The following ZNF423 variants were observed in gnomAD, a reference collection of about 807,000 sequenced individuals.
ZNF423 encodes Ebf-associated zinc finger protein.
ZNF423 carries 12 observed loss-of-function variants against 95.8 expected under a neutral mutation model. The ratio of observed to expected loss-of-function variants is 0.13; its 90% CI spans 0.08 to 0.20. ZNF423 has a LOEUF of 0.20. Ranked by LOEUF, ZNF423 falls within the 10% of genes least tolerant of loss-of-function variation. The pLI, the probability that ZNF423 is intolerant of heterozygous loss-of-function variation, is 1.00. For synonymous variants in ZNF423, 749 were observed against 711.9 expected (o/e 1.05, Z -0.83); for missense variants, 1,316 against 1,737.1 (o/e 0.76, Z 4.31).
intron 5 of ZNF423, among the ~76,000 whole-genome samples, chr16:49,539,395 G>A (rs930783204): frequency 2.0e-5 from 3 of 152,074 alleles, no homozygotes; most frequent in African/African-American, 7.2e-5. Flanking sequence ...TTTGCTCATC[G>A]GCTGCATTCA....
chr16:49,675,214 C>A (rs1445717063), intron 3 of ZNF423, among the ~76,000 whole-genome samples: 1 of 152,188 alleles, frequency 6.6e-6, no homozygotes, highest in Non-Finnish European at 1.5e-5. Flanking sequence ...GCTGTTGACT[C>A]ACTCATGTAC....
chr16:49,815,904 ATATATATATATTTTTT>A (rs2034842506), intron 1 of ZNF423, among the ~76,000 whole-genome samples: 1 of 46,614 alleles, frequency 2.1e-5, no homozygotes, highest in African/African-American at 8.9e-5. Flanking sequence ...ATATATATAT[ATATATATATATTTTTT>A]TTTTTTTTTT....
intron 2 of ZNF423, among the ~76,000 whole-genome samples, chr16:49,732,886 T>G (rs970941005): frequency 6.6e-6 from 1 of 152,224 alleles, no homozygotes; most frequent in Admixed American, 6.5e-5. Flanking sequence ...ACACGCCGCC[T>G]GGAACTGCGC....
At chr16:49,494,990 G>A (rs375745867) in intron 7 of ZNF423, among the ~76,000 whole-genome samples, 3 of 152,246 alleles carry the variant, frequency 2.0e-5, no homozygotes, top group East Asian at 1.9e-4. Context: ...GAAGAAAATC[G>A]TTTTTTAAAG....
chr16:49,766,321 G>A (rs1377868970), intron 2 of ZNF423, among the ~76,000 whole-genome samples: 2 of 152,204 alleles, frequency 1.3e-5, no homozygotes, highest in Non-Finnish European at 2.9e-5. Flanking sequence ...CACAGCGGAT[G>A]AGGAAATCTC....
chr16:49,502,183 C>G (rs1967432633), intron 7 of ZNF423, among the ~76,000 whole-genome samples: 1 of 152,180 alleles, frequency 6.6e-6, no homozygotes, highest in South Asian at 2.1e-4. Context: ...CCTCGAGAAG[C>G]CCCAGACACC....
chr16:49,557,099 T>C (rs1203437061), intron 5 of ZNF423, among the ~76,000 whole-genome samples: 1 of 152,142 alleles, frequency 6.6e-6, no homozygotes, highest in Non-Finnish European at 1.5e-5. Flanking sequence ...GGCTGGATGA[T>C]CAAAAAGGTT....
At chr16:49,757,891 T>C (rs563613394) in intron 2 of ZNF423, among the ~76,000 whole-genome samples, 12 of 152,240 alleles carry the variant, frequency 7.9e-5, no homozygotes, top group Admixed American at 1.3e-4. Context: ...AATCCTCCCC[T>C]GACCCGCCCT....
At chr16:49,688,593 C>G (rs11649400) in intron 3 of ZNF423, among the ~76,000 whole-genome samples, 93,198 of 152,122 alleles carry the variant, frequency 0.61, 30,118 homozygotes, top group Non-Finnish European at 0.71. Context: ...GGAAGAAATG[C>G]CAGGCCAAGG....
chr16:49,701,667 C>T (rs1319439646), intron 3 of ZNF423, among the ~76,000 whole-genome samples: 1 of 152,188 alleles, frequency 6.6e-6, no homozygotes, highest in African/African-American at 2.4e-5. Context: ...ACCTCTTCGA[C>T]ACTGGGTGTT....
At chr16:49,592,174 T>G (rs1971029777) in intron 5 of ZNF423, among the ~76,000 whole-genome samples, 1 of 152,270 alleles carries the variant, frequency 6.6e-6, no homozygotes, top group Admixed American at 6.5e-5. Context: ...TTTTTAAAAC[T>G]GTATCTATGC....
chr16:49,709,297 G>A (rs2032468738), intron 3 of ZNF423, among the ~76,000 whole-genome samples: 1 of 151,828 alleles, frequency 6.6e-6, no homozygotes, highest in Non-Finnish European at 1.5e-5. Flanking sequence ...TCAGGACGCT[G>A]CTGTTCTCAG....
chr16:49,605,357 C>T (rs951010971), intron 5 of ZNF423, among the ~76,000 whole-genome samples: 1 of 152,218 alleles, frequency 6.6e-6, no homozygotes, highest in East Asian at 1.9e-4. Context: ...CAGCCTCTGG[C>T]CAGCTGTGCA....
intron 5 of ZNF423, among the ~76,000 whole-genome samples, chr16:49,589,616 G>A (rs1342202083): frequency 6.6e-6 from 1 of 152,046 alleles, no homozygotes; most frequent in Non-Finnish European, 1.5e-5. Context: ...GAAGGGGAGG[G>A]GAATTCACAG....
At chr16:49,779,896 G>C (rs2034181863) in intron 2 of ZNF423, among the ~76,000 whole-genome samples, 1 of 152,202 alleles carries the variant, frequency 6.6e-6, no homozygotes, top group Non-Finnish European at 1.5e-5. Context: ...ACCAGGAGAG[G>C]AGGGGCAGGG....
At chr16:49,624,324 G>A (rs1456373005) in intron 5 of ZNF423, among the ~76,000 whole-genome samples, 2 of 152,154 alleles carry the variant, frequency 1.3e-5, no homozygotes, top group East Asian at 1.9e-4. Context: ...GCTGAGATGG[G>A]CAGATCACTT....
rs1207019614 is a variant in ZNF423, at chr16:49,638,336, G to A, written c.840C>T (p.Phe280=). 1 of 1,614,112 alleles carries A rather than the reference G, an allele frequency of 6.2e-7. No individual in the cohort carries two copies. Among genetic ancestry groups the A allele is most frequent in the South Asian group, 1.1e-5 (1 of 91,084 alleles). Residue 280 remains phenylalanine, a synonymous_variant, in exon 4 of 8, where the codon TTC becomes TTT. Transcript: ENST00000563137. This position sits in a 1 kb window ranked among gnomAD's most constrained non-coding sequence, Gnocchi z 5.6. Reference sequence around the variant, plus strand: ...GCTTCTCCAGCTCCTCCGTCTGGCTGAAGGTGTCCTCGCAGTAGTCGCACA... The same window carrying A: ...GCTTCTCCAGCTCCTCCGTCTGGCTAAAGGTGTCCTCGCAGTAGTCGCACA... ...DFMCDYCEDT[F]SQTEELEKHV...
At chr16:49,556,712 C>A (rs1035975566) in intron 5 of ZNF423, among the ~76,000 whole-genome samples, 1 of 152,206 alleles carries the variant, frequency 6.6e-6, no homozygotes, top group African/African-American at 2.4e-5. Context: ...AAGCTCAGCA[C>A]AAATTCTTTT....
intron 3 of ZNF423, among the ~76,000 whole-genome samples, chr16:49,691,021 CT>C (rs1040460493): frequency 1.1e-4 from 17 of 152,382 alleles, no homozygotes; most frequent in African/African-American, 4.1e-4. Flanking sequence ...GCCCAGGCAT[CT>C]GACCAGAGAC....
Sources: gnomAD v4.1 joint callset for allele counts (sites outside exome capture counted in the v4.1 genomes callset) on GRCh38, gnomAD v4.1.1 for gene constraint, Gnocchi (gnomAD v3.1) non-coding constraint, MANE v1.5 for transcripts, NCBI Gene and HGNC (gene_info 2026-07-23, HGNC 2026-07-21) for gene names.